The following TJP2 variants were observed in gnomAD, a reference collection of about 807,000 sequenced individuals.
TJP2 encodes Friedreich ataxia region gene X104 (tight junction protein ZO-2).
TJP2 carries 91 observed loss-of-function variants against 133.1 expected under a neutral mutation model. The ratio of observed to expected loss-of-function variants is 0.68; its 90% CI spans 0.58 to 0.81. The LOEUF (loss-of-function observed/expected upper bound fraction) is 0.81. Ranked by LOEUF, TJP2 falls within the 40% of genes least tolerant of loss-of-function variation. The probability of loss-of-function intolerance (pLI) is 0.00; values close to 1 mark genes in which losing one functional copy is unlikely to be tolerated. For synonymous variants in TJP2, 592 were observed against 583.4 expected (o/e 1.01, Z -0.21); for missense variants, 1,541 against 1,565.6 (o/e 0.98, Z 0.26).
chr9:69,249,754 T>C (rs1831196027), intron 20 of TJP2: 1 of 984,864 alleles, frequency 1.0e-6, no homozygotes, highest in Admixed American at 6.2e-5. Flanking sequence ...TAAAAAAAGA[T>C]TGTAAAGAAA....
chr9:69,204,738 T>C lies in TJP2; in HGVS notation c.61-7810T>C, dbSNP rs1478314526. 11 of 655,996 alleles carry C rather than the reference T, an allele frequency of 1.7e-5. No homozygotes were observed. The Admixed American group carries it at 6.3e-4, about 38-fold the overall frequency. The allele number at this position is 655,996 out of a possible 1,614,324, so 40.6% of individuals were successfully genotyped here. ...ATTGCTAGTTTATTTCTAGCTGGCG[T>C]GTGTGTGTGTGTATCAGAGGGTCTA... On this transcript the variant is annotated intron_variant, in intron 1 of 22. Transcript: ENST00000377245.
chr9:69,148,665 C>G (rs576769864), intron 1 of TJP2, among the ~76,000 whole-genome samples: 5 of 152,238 alleles, frequency 3.3e-5, no homozygotes, highest in East Asian at 1.9e-4. Context: ...CCACCGCCCC[C>G]CTCTGTAATA....
At chr9:69,210,915 A>G (rs987955886) in intron 1 of TJP2, among the ~76,000 whole-genome samples, 2 of 151,934 alleles carry the variant, frequency 1.3e-5, no homozygotes, top group Non-Finnish European at 2.9e-5. Context: ...TTTTGTAGAG[A>G]TGGGGTCTCA....
Position 69,237,885 on chromosome 9 carries a change from C to G in TJP2, c.2187C>G (p.Phe729Leu). The change falls in exon 15 of 23, where the codon TTC becomes TTG. Residue 729 changes from phenylalanine (F) to leucine (L), a missense_variant. Transcript: ENST00000377245. ...CCTTTCTTGTCATTTCAGCTGGTTTCAAGAGACCTGTGGTCTTATTCGGCC... is the reference window on the plus strand; with the variant it reads ...CCTTTCTTGTCATTTCAGCTGGTTTGAAGAGACCTGTGGTCTTATTCGGCC... ...YERVLLREAG[F>L]KRPVVLFGPI... The G allele has an allele frequency of 6.2e-7, 1 of 1,613,242 alleles. No homozygotes were observed. The highest frequency in any genetic ancestry group is 8.5e-7 in the Non-Finnish European group (1 of 1,179,268).
At chr9:69,245,841 A>G (rs1444599985) in intron 17 of TJP2, among the ~76,000 whole-genome samples, 2 of 152,202 alleles carry the variant, frequency 1.3e-5, no homozygotes, top group Admixed American at 6.5e-5. Flanking sequence ...TAGAAAATGT[A>G]TATTCTTTGA....
chr9:69,175,711 G>A (rs1011561042), intron 1 of TJP2, among the ~76,000 whole-genome samples: 2 of 152,348 alleles, frequency 1.3e-5, no homozygotes, highest in African/African-American at 4.8e-5. Context: ...ATTTAGAAAT[G>A]TGGACAGGGT....
intron 1 of TJP2, among the ~76,000 whole-genome samples, chr9:69,199,155 C>T (rs1433083952): frequency 7.5e-6 from 1 of 132,886 alleles, no homozygotes; most frequent in Non-Finnish European, 1.6e-5. Context: ...GGTTTACCTA[C>T]CAGCCTAGGC....
chr9:69,225,986 T>C lies in TJP2; in HGVS notation c.1057-36T>C, dbSNP rs201126474. ...ATGAATTTTCTACTGTGAATAATTT[T>C]ATTGCATTTAACATTACCATTTTTT... On this transcript the variant is annotated intron_variant, in intron 6 of 22. Transcript: ENST00000377245. The C allele has an allele frequency of 8.1e-6, 13 of 1,609,742 alleles. No homozygotes were observed. In the African/African-American group the frequency reaches 1.2e-4, roughly 15 times the overall value.
intron 2 of TJP2, among the ~76,000 whole-genome samples, chr9:69,155,945 C>G (rs10125494): frequency 0.42 from 64,385 of 152,014 alleles, 13,905 homozygotes; most frequent in East Asian, 0.63. Flanking sequence ...CGGAGCAGAG[C>G]CTGTACATTA....
rs886044597 is a variant in TJP2, at chr9:69,229,256, T to C, written c.1520+6T>C. The C allele has an allele frequency of 3.1e-6, 5 of 1,612,912 alleles. No individual in the cohort carries two copies. Among genetic ancestry groups the C allele is most frequent in the Non-Finnish European group, 8.5e-7 (1 of 1,178,896 alleles). ...GAAGATGAAGCAATATATGGGTATG[T>C]ATTTCCGTCTCTCTTTGTTTTCCCT... is the stretch of plus-strand genomic sequence containing the variant. On this transcript the variant is annotated splice_donor_region_variant and intron_variant, in intron 10 of 22. Transcript: ENST00000377245.
At chr9:69,132,955 A>C (rs945475475) in intron 1 of TJP2, among the ~76,000 whole-genome samples, 5 of 138,030 alleles carry the variant, frequency 3.6e-5, no homozygotes, top group African/African-American at 8.0e-5. Flanking sequence ...ATCTAAAAAC[A>C]GGGAGAATTT....
Position 69,236,236 on chromosome 9 carries a change from C to T in TJP2, c.1989C>T (p.Ser663=), listed in dbSNP as rs1830180868. 1.2e-6 allele frequency: 2 copies of T among 1,613,736 alleles called. No homozygotes were observed. Among genetic ancestry groups the T allele is most frequent in the South Asian group, 1.1e-5 (1 of 91,064 alleles). Reference sequence around the variant, plus strand: ...AGAAAGGCTTAATCCCCAACAAGAGCAGGTAACAGAGATCGCATTCTCACA... The same window carrying T: ...AGAAAGGCTTAATCCCCAACAAGAGTAGGTAACAGAGATCGCATTCTCACA... ...ELEKGLIPNK[S]RAEQMASVQN... The change falls in exon 13 of 23, where the codon AGC becomes AGT. Residue 663 remains serine (S), a splice_region_variant and synonymous_variant. Transcript: ENST00000377245.
chr9:69,237,905 T>G lies in TJP2; in HGVS notation c.2207T>G (p.Phe736Cys). The change falls in exon 15 of 23, where the codon TTC becomes TGC. Residue 736 changes from phenylalanine to cysteine, a missense_variant. Physicochemically the swap from Phe to Cys is radical, Grantham distance 205. Coordinates refer to ENST00000377245, the MANE Select transcript of TJP2 (RefSeq NM_004817.4). ...GGTTTCAAGAGACCTGTGGTCTTAT[T>G]CGGCCCCATAGCTGATATAGCAATG... ...EAGFKRPVVL[F>C]GPIADIAMEK... The G allele has an allele frequency of 1.1e-5, 18 of 1,614,006 alleles. No individual in the cohort carries two copies. The highest frequency in any genetic ancestry group is 1.4e-5 in the Non-Finnish European group (17 of 1,179,908).
rs749563094 is a variant in TJP2 at position 69,221,035 on chromosome 9, A to G, written c.491A>G (p.His164Arg). 8 of 1,608,412 alleles carry G rather than the reference A, an allele frequency of 5.0e-6. No homozygotes were observed. Among genetic ancestry groups the G allele is most frequent in the Middle Eastern group, 1.9e-4 (1 of 5,364 alleles). ...AGCGAGAGGAGCCGGCTGAACAGCC[A>G]TGGGGGGCGCAGCCGCAGCTGGGAG... ...GYSERSRLNS[H>R]GGRSRSWEDS... The change falls in exon 5 of 23, where the codon CAT (histidine) becomes CGT (arginine). Residue 164 changes from histidine (H) to arginine (R), a missense_variant. Transcript: ENST00000377245.
At chr9:69,154,698 G>A (rs1823652806) in intron 2 of TJP2, among the ~76,000 whole-genome samples, 1 of 151,468 alleles carries the variant, frequency 6.6e-6, no homozygotes, top group Non-Finnish European at 1.5e-5. Context: ...GCTGAGGCAG[G>A]AGGAGCCCTT....
At chr9:69,228,258 A>G in intron 9 of TJP2, 144 bp downstream of exon 9, 1 of 1,039,016 alleles carries the variant, frequency 9.6e-7, no homozygotes, top group Non-Finnish European at 1.4e-6. Context: ...ACATGGTAAC[A>G]GAAAACCACA....
chr9:69,252,347 G>A (rs1251255621), intron 21 of TJP2, among the ~76,000 whole-genome samples: 4 of 151,992 alleles, frequency 2.6e-5, no homozygotes, highest in African/African-American at 9.7e-5. Context: ...TCACATTGCT[G>A]TTCAGCCATC....
At chr9:69,152,134 T>G (rs1823504588) in intron 2 of TJP2, among the ~76,000 whole-genome samples, 1 of 152,180 alleles carries the variant, frequency 6.6e-6, no homozygotes, top group Non-Finnish European at 1.5e-5. Context: ...TTATATTTTT[T>G]CATTATCATT....
chr9:69,128,284 G>T lies in TJP2; in HGVS notation c.-131+6559G>T, dbSNP rs1291120641. Among the ~76,000 whole-genome samples, 2 of 75,692 alleles carry T rather than the reference G, an allele frequency of 2.6e-5. 1 individual carries two copies. The highest frequency in any genetic ancestry group is 6.0e-5 in the Non-Finnish European group (2 of 33,082). The allele number at this position is 75,692 out of a possible 152,430, so 49.7% of individuals were successfully genotyped here. On this transcript the variant is annotated intron_variant, in intron 1 of 5. Coordinates refer to the TJP2 transcript ENST00000423935. ...ACATACCTAGAAGTGGAAAATATAT[G>T]GTAACTCCATATTTAATATTTTCAG...
Sources: gnomAD v4.1 joint callset for allele counts (sites outside exome capture counted in the v4.1 genomes callset) on GRCh38, gnomAD v4.1.1 for gene constraint, MANE v1.5 for transcripts, NCBI Gene and HGNC (gene_info 2026-07-23, HGNC 2026-07-21) for gene names.